Variants in BLMH observed in about 807,000 individuals in gnomAD.
BLMH encodes the protein BLM hydrolase.
Under a neutral mutation model 61.6 loss-of-function variants are expected in BLMH, and 32 were observed. The ratio of observed to expected loss-of-function variants is 0.52; its 90% CI spans 0.39 to 0.70. The LOEUF (loss-of-function observed/expected upper bound fraction) is 0.70. Ranked by LOEUF, BLMH falls within the 30% of genes least tolerant of loss-of-function variation. The probability of loss-of-function intolerance (pLI) is 0.00; values close to 1 mark genes in which losing one functional copy is unlikely to be tolerated. For synonymous variants in BLMH, 183 were observed against 193.8 expected, an observed-to-expected ratio of 0.94 and a Z score of 0.46; for missense variants, 460 against 555.5, an observed-to-expected ratio of 0.83 and a Z score of 1.73.
At position 30,268,583 on chromosome 17, in the gene BLMH, A is replaced by C. The variant is rs371284345; in HGVS notation, c.1147-1629T>G. On this transcript the variant is annotated intron_variant, in intron 10 of 11. Coordinates refer to ENST00000261714, the MANE Select transcript of BLMH (RefSeq NM_000386.4). ...TAAGGAAACAACCCATGCTAATCAA[A>C]GAATGGAAGTTCCCAAGAAAATGAC... Among the ~76,000 whole-genome samples, 6 of 152,326 alleles carry C rather than the reference A, an allele frequency of 3.9e-5. 1 individual carries two copies. Among genetic ancestry groups the C allele is most frequent in the African/African-American group, 1.2e-4 (5 of 41,572 alleles).
intron 5 of BLMH, 104 bp from the exon 6 acceptor site, chr17:30,285,584 G>T: frequency 1.3e-6 from 1 of 769,690 alleles, no homozygotes; most frequent in African/African-American, 1.8e-5. Context: ...ACTCAGGCCA[G>T]ACCCATGACA....
At chr17:30,253,173 C>T (rs1907719675) in intron 11 of BLMH, among the ~76,000 whole-genome samples, 1 of 152,154 alleles carries the variant, frequency 6.6e-6, no homozygotes, top group African/African-American at 2.4e-5. Flanking sequence ...AGGATAGAAG[C>T]AGATTCATGT....
rs1173537308 is a variant in BLMH at position 30,266,897 on chromosome 17, G to T, written c.1204C>A (p.His402Asn). The T allele has an allele frequency of 6.2e-7, 1 of 1,614,078 alleles. No homozygotes were observed. The highest frequency in any genetic ancestry group is 1.7e-5 in the Admixed American group (1 of 60,014). ...AAACTGAGCTCACCTTTGTGGCCATGGTCTTCACCCCATGAATTCTCCACT... is the reference window on the plus strand; with the variant it reads ...AAACTGAGCTCACCTTTGTGGCCATTGTCTTCACCCCATGAATTCTCCACT... Reference protein sequence around the residue: ...WRVENSWGEDHGHKGYLCMTD... With the variant: ...WRVENSWGEDNGHKGYLCMTD... The change falls in exon 11 of 12, where the codon CAT becomes AAT. Residue 402 changes from histidine (H) to asparagine (N), a missense_variant. This residue lies in a region of BLMH where 310 missense variants were observed against 371.1 expected (regional missense o/e 0.84). Transcript: ENST00000261714.
chr17:30,263,171 T>C (rs1908010944), intron 11 of BLMH, among the ~76,000 whole-genome samples: 1 of 152,150 alleles, frequency 6.6e-6, no homozygotes, highest in Non-Finnish European at 1.5e-5. Flanking sequence ...AGTTTAGTGG[T>C]TAAGAAAACT....
chr17:30,291,779 A>AC (rs892274717), intron 1 of BLMH, 28 bp downstream of exon 1: 8 of 1,403,014 alleles, frequency 5.7e-6, no homozygotes, highest in Non-Finnish European at 7.4e-6. Flanking sequence ...CCTCCAGAGG[A>AC]CCGCGGCGGG....
chr17:30,289,461 CAAGAA>C lies in BLMH; in HGVS notation c.228_232del (p.Phe76LeufsTer16). The stretch of plus-strand genomic sequence containing the variant: ...GAATGGAAGCCTCATAACATTCAGA[CAAGAA>C]AAGATCCAGCATCGCCCTGAAACAA... On this transcript the variant is annotated frameshift_variant, in exon 3 of 12. Transcript: ENST00000261714. LOFTEE classifies it high-confidence loss of function. 6.2e-7 allele frequency: 1 copy of C among 1,611,534 alleles called. No homozygotes were observed. Among genetic ancestry groups the C allele is most frequent in the Non-Finnish European group, 8.5e-7 (1 of 1,178,688 alleles).
Position 30,274,201 on chromosome 17 carries a change from G to T in BLMH, c.646-4C>A, listed in dbSNP as rs748234744. ...AGATGCACACCACTCGGAATATCTG[G>T]AAGAGAGGAGGAGGAAAGGCGAGCA... On this transcript the variant is annotated splice_region_variant and splice_polypyrimidine_tract_variant and intron_variant, in intron 6 of 11. Transcript: ENST00000261714. 6.2e-7 allele frequency: 1 copy of T among 1,613,244 alleles called. No individual in the cohort carries two copies. Among genetic ancestry groups the T allele is most frequent in the Non-Finnish European group, 8.5e-7 (1 of 1,179,772 alleles).
chr17:30,291,756 G>C, intron 1 of BLMH, 51 bp downstream of exon 1: 1 of 1,422,662 alleles, frequency 7.0e-7, no homozygotes, highest in Non-Finnish European at 9.2e-7. Context: ...GGCCTCACGG[G>C]GACCGCGGAG....
At chr17:30,263,037 C>G (rs1226189368) in intron 11 of BLMH, among the ~76,000 whole-genome samples, 1 of 152,146 alleles carries the variant, frequency 6.6e-6, no homozygotes, top group African/African-American at 2.4e-5. Flanking sequence ...ATAACATCTC[C>G]AGGTCCTTCA....
chr17:30,274,289 G>C, intron 6 of BLMH, 92 bp from the exon 7 acceptor site: 3 of 1,397,170 alleles, frequency 2.1e-6, no homozygotes, highest in Non-Finnish European at 2.9e-6. Flanking sequence ...GGAAACACAA[G>C]AAGTTAGTGG....
At chr17:30,276,284 A>G (rs556140021) in intron 6 of BLMH, among the ~76,000 whole-genome samples, 13 of 152,360 alleles carry the variant, frequency 8.5e-5, no homozygotes, top group Non-Finnish European at 1.3e-4. Context: ...TCCCCCTTTT[A>G]CAGATAAGGA....
intron 1 of BLMH, 113 bp from the exon 2 acceptor site, chr17:30,291,621 C>A: frequency 6.9e-7 from 1 of 1,441,654 alleles, no homozygotes; most frequent in Non-Finnish European, 9.4e-7. Context: ...CCCGCTGCAG[C>A]GGGGAAACCC....
At chr17:30,283,417 A>G (rs1908643824) in intron 6 of BLMH, among the ~76,000 whole-genome samples, 1 of 152,146 alleles carries the variant, frequency 6.6e-6, no homozygotes, top group Admixed American at 6.5e-5. Context: ...TCATTAAAGC[A>G]AACATCAAAA....
intron 6 of BLMH, among the ~76,000 whole-genome samples, chr17:30,275,929 C>T (rs529010020): frequency 1.3e-5 from 2 of 152,242 alleles, no homozygotes; most frequent in East Asian, 3.9e-4. Flanking sequence ...TTTATATTTA[C>T]CAAGTGTGCC....
intron 2 of BLMH, chr17:30,291,110 C>A: frequency 1.6e-6 from 1 of 615,970 alleles, no homozygotes; most frequent in Non-Finnish European, 2.8e-6. Context: ...TGTACTCTAA[C>A]CGCATGTACT....
intron 6 of BLMH, among the ~76,000 whole-genome samples, chr17:30,283,596 A>G (rs1908648790): frequency 1.4e-5 from 2 of 141,510 alleles, no homozygotes; most frequent in African/African-American, 5.4e-5. Context: ...ATCTCGGCTC[A>G]CTGCAAGCTC....
intron 6 of BLMH, among the ~76,000 whole-genome samples, chr17:30,281,407 T>C (rs1264437265): frequency 2.0e-5 from 3 of 152,038 alleles, no homozygotes; most frequent in Non-Finnish European, 2.9e-5. Context: ...CACATTAAAG[T>C]CTGATGGCAC....
At chr17:30,285,083 G>A (rs761072026) in intron 6 of BLMH, among the ~76,000 whole-genome samples, 5 of 152,178 alleles carry the variant, frequency 3.3e-5, no homozygotes, top group Non-Finnish European at 7.3e-5. Flanking sequence ...TTTAAGAGCA[G>A]TGACTATGTC....
intron 5 of BLMH, 120 bp from the exon 6 acceptor site, chr17:30,285,600 C>A: frequency 1.6e-6 from 1 of 619,752 alleles, no homozygotes; most frequent in Non-Finnish European, 2.6e-6. Flanking sequence ...TGACAGAGTT[C>A]ATAAAGGCAA....
Sources: gnomAD v4.1 joint callset for allele counts (sites outside exome capture counted in the v4.1 genomes callset) on GRCh38, gnomAD v4.1.1 for gene constraint, gnomAD v4.1.1 regional missense constraint, MANE v1.5 for transcripts, NCBI Gene and HGNC (gene_info 2026-07-23, HGNC 2026-07-21) for gene names.